SMG6: variants seen among roughly 807,000 people sequenced by gnomAD.
SMG6 encodes telomerase-binding protein EST1A.
SMG6 carries 66 observed loss-of-function variants against 142.2 expected under a neutral mutation model. The ratio of observed to expected loss-of-function variants is 0.46; its 90% CI spans 0.38 to 0.57. The LOEUF (loss-of-function observed/expected upper bound fraction) is 0.57, where lower values mean the gene tolerates loss of function less well. SMG6 is among the 20% of genes least tolerant of loss of function. SMG6 has a pLI of 0.00. For missense variants in SMG6, 1,793 were observed against 1,832.0 expected (o/e 0.98, Z 0.39); for synonymous variants, 779 against 702.4 (o/e 1.11, Z -1.72).
At chr17:2,219,815 A>AAAAG (rs2073123354) in intron 10 of SMG6, among the ~76,000 whole-genome samples, 1 of 151,832 alleles carries the variant, frequency 6.6e-6, no homozygotes, top group South Asian at 2.1e-4. Flanking sequence ...AAAAAAAAAA[A>AAAAG]AAAAAAGAAA....
In SMG6 at chr17:2,068,656, G is replaced by T; in HGVS notation, c.3835+122C>A. ...TGCCCCACGCGTTCCCTACTCCCCT[G>T]CAAATCCCATCTTACACACGCACAG... On this transcript the variant is annotated intron_variant, in intron 16 of 18. Coordinates refer to ENST00000263073, the MANE Select transcript of SMG6 (RefSeq NM_017575.5). The surrounding 1 kb of genome is among the most constrained non-coding windows in gnomAD (Gnocchi z 6.7). 9.7e-7 allele frequency: 1 copy of T among 1,028,702 alleles called. No homozygotes were observed. Among genetic ancestry groups the T allele is most frequent in the Non-Finnish European group, 1.4e-6 (1 of 714,630 alleles). The allele number at this position is 1,028,702 out of a possible 1,614,324, so 63.7% of individuals were successfully genotyped here.
intron 10 of SMG6, among the ~76,000 whole-genome samples, chr17:2,204,707 T>C (rs952707504): frequency 7.9e-5 from 12 of 152,206 alleles, no homozygotes; most frequent in Admixed American, 5.9e-4. Context: ...CTCACGCCTA[T>C]AATTCCAACA....
At chr17:2,173,832 A>C in intron 12 of SMG6, among the ~76,000 whole-genome samples, 2 of 135,612 alleles carry the variant, frequency 1.5e-5, no homozygotes, top group African/African-American at 2.7e-5. Flanking sequence ...GTGGGTGCTG[A>C]GGATCCATAA....
At chr17:2,103,041 T>G (rs1432541212) in intron 13 of SMG6, among the ~76,000 whole-genome samples, 1 of 152,268 alleles carries the variant, frequency 6.6e-6, no homozygotes, top group Non-Finnish European at 1.5e-5. Context: ...CATCTGTTGA[T>G]GGACACTCAG....
chr17:2,298,957 A>T lies in SMG6; in HGVS notation c.1796T>A (p.Leu599His). 1 of 1,614,056 alleles carries T rather than the reference A, an allele frequency of 6.2e-7. No homozygotes were observed. The highest frequency in any genetic ancestry group is 8.5e-7 in the Non-Finnish European group (1 of 1,180,002). The change falls in exon 2 of 19, where the codon CTC becomes CAC. Residue 599 changes from leucine to histidine, a missense_variant. Leu to His is a moderately conservative substitution (Grantham distance 99). Around this residue, in one of 3 missense-constraint regions of SMG6, gnomAD observed 1,597 missense variants for 1,584.6 expected, o/e 1.01. Coordinates refer to ENST00000263073, the MANE Select transcript of SMG6 (RefSeq NM_017575.5). ...DNQELQLSNL[L>H]SRDRISPEGL... ...CTCCGGACTGATGCGGTCCCTGGAG[A>T]GCAGGTTGCTGAGCTGCAGTTCCTG... is the stretch of plus-strand genomic sequence containing the variant.
At chr17:2,143,561 G>C (rs1022546346) in intron 13 of SMG6, among the ~76,000 whole-genome samples, 1 of 152,200 alleles carries the variant, frequency 6.6e-6, no homozygotes, top group Admixed American at 6.5e-5. Context: ...ACTAGTGGTT[G>C]ACAGGGGCTA....
At chr17:2,218,871 T>C (rs995203950) in intron 10 of SMG6, among the ~76,000 whole-genome samples, 1 of 152,110 alleles carries the variant, frequency 6.6e-6, no homozygotes, top group Admixed American at 6.5e-5. Context: ...CTGTAACAAA[T>C]GTCCCACTCT....
intron 12 of SMG6, among the ~76,000 whole-genome samples, chr17:2,182,317 TG>T (rs2071830780): frequency 6.6e-6 from 1 of 151,426 alleles, no homozygotes; most frequent in Admixed American, 6.6e-5. Context: ...AGTTCCTTTG[TG>T]TGGCCCCAGC....
Position 2,078,675 on chromosome 17 carries a change from G to A in SMG6, c.3681+3135C>T, listed in dbSNP as rs528649330. Among the ~76,000 whole-genome samples the A allele has an allele frequency of 9.3e-4, 142 of 152,200 alleles. 1 individual carries two copies. Among genetic ancestry groups the A allele is most frequent in the African/African-American group, 3.2e-3 (133 of 41,530 alleles). On this transcript the variant is annotated intron_variant, in intron 15 of 18. Transcript: ENST00000263073. ...GCATAAGCCACTGCGCCCAGCCACT[G>A]AATACATATCTGCTGAGCACTAACT...
intron 13 of SMG6, among the ~76,000 whole-genome samples, chr17:2,137,421 G>A (rs1395589870): frequency 6.6e-6 from 1 of 152,072 alleles, no homozygotes; most frequent in Non-Finnish European, 1.5e-5. Flanking sequence ...GTGAGCCAAA[G>A]TGTCATTCCT....
intron 8 of SMG6, chr17:2,266,063 T>C (rs1275795081): frequency 1.0e-6 from 1 of 985,316 alleles, no homozygotes; most frequent in Admixed American, 6.1e-5. Flanking sequence ...AGAAATGCCT[T>C]TCCCCCCTCT....
chr17:2,241,585 C>CT (rs2073801583), intron 9 of SMG6, among the ~76,000 whole-genome samples: 1 of 152,180 alleles, frequency 6.6e-6, no homozygotes. Context: ...ATGGGGTCTT[C>CT]TGCCTATGTT....
intron 15 of SMG6, among the ~76,000 whole-genome samples, chr17:2,081,290 T>G (rs2068416710): frequency 6.6e-6 from 1 of 152,178 alleles, no homozygotes; most frequent in South Asian, 2.1e-4. Context: ...GTGAGAGGGC[T>G]GATGGGGGTC....
Position 2,299,636 on chromosome 17 carries a change from T to A in SMG6, c.1117A>T (p.Met373Leu), listed in dbSNP as rs751983790. 8.7e-6 allele frequency: 14 copies of A among 1,614,216 alleles called. No homozygotes were observed. The East Asian group carries it at 3.1e-4, about 36-fold the overall frequency. The change falls in exon 2 of 19, where the codon ATG (methionine) becomes TTG (leucine). Residue 373 changes from methionine to leucine, a missense_variant. By Grantham distance (15) the Met-to-Leu change is conservative (BLOSUM62 2). Coordinates refer to ENST00000263073, the MANE Select transcript of SMG6 (RefSeq NM_017575.5). This position sits in a 1 kb window ranked among gnomAD's most constrained non-coding sequence, Gnocchi z 4.3. ...SPMVRSARDD[M>L]DRGKPDKGLS... ...CCTTTGTCAGGCTTTCCTCTATCCA[T>A]ATCATCCCTGGCTGACCTCACCATG...
intron 10 of SMG6, among the ~76,000 whole-genome samples, chr17:2,219,154 G>A (rs752388841): frequency 4.0e-5 from 6 of 151,756 alleles, no homozygotes; most frequent in Non-Finnish European, 7.4e-5. Flanking sequence ...GGAGGCGGAG[G>A]TGGGTGGATC....
intron 8 of SMG6, among the ~76,000 whole-genome samples, chr17:2,255,427 A>AAAAC: frequency 1.4e-5 from 2 of 144,294 alleles, no homozygotes. Flanking sequence ...AAAAAAAAAA[A>AAAAC]AAGAATGTGA....
At chr17:2,272,869 C>T (rs1211375174) in intron 8 of SMG6, among the ~76,000 whole-genome samples, 2 of 151,012 alleles carry the variant, frequency 1.3e-5, no homozygotes, top group Non-Finnish European at 2.9e-5. Context: ...ACCCAGGAGG[C>T]GGAGGAGCTG....
chr17:2,205,559 C>T (rs17761734), intron 10 of SMG6, among the ~76,000 whole-genome samples: 16,809 of 152,044 alleles, frequency 0.11, 1,302 homozygotes, highest in Non-Finnish European at 0.17. Context: ...GATTAACAGC[C>T]TACCATAAAC....
chr17:2,277,437 A>T (rs1384928314), intron 8 of SMG6, among the ~76,000 whole-genome samples: 1 of 152,066 alleles, frequency 6.6e-6, no homozygotes, highest in East Asian at 1.9e-4. Flanking sequence ...AAGAGCTGGG[A>T]TTACAGGCGT....
Sources: gnomAD v4.1 joint callset for allele counts (sites outside exome capture counted in the v4.1 genomes callset) on GRCh38, gnomAD v4.1.1 for gene constraint, gnomAD v4.1.1 regional missense constraint, Gnocchi (gnomAD v3.1) non-coding constraint, MANE v1.5 for transcripts, NCBI Gene and HGNC (gene_info 2026-07-23, HGNC 2026-07-21) for gene names.